The following KANSL1 variants were observed in gnomAD, a reference collection of about 807,000 sequenced individuals.
The protein encoded by KANSL1 is MLL1/MLL complex subunit KANSL1.
KANSL1 carries 22 observed loss-of-function variants against 103.6 expected under a neutral mutation model. The observed-to-expected ratio is 0.21, with a 90% CI of 0.15 to 0.30. The LOEUF (loss-of-function observed/expected upper bound fraction) is 0.30. Ranked by LOEUF, KANSL1 falls within the 10% of genes least tolerant of loss-of-function variation. The pLI, the probability that KANSL1 is intolerant of heterozygous loss-of-function variation, is 1.00. For synonymous variants in KANSL1, 600 were observed against 527.6 expected (o/e 1.14, Z -1.88); for missense variants, 1,337 against 1,399.8 (o/e 0.96, Z 0.72).
intron 2 of KANSL1, among the ~76,000 whole-genome samples, chr17:46,106,943 C>T (rs1393307926): frequency 1.3e-5 from 2 of 152,116 alleles, no homozygotes; most frequent in Non-Finnish European, 2.9e-5. Flanking sequence ...ATAAATCCTG[C>T]AAATAACACA....
chr17:46,152,212 C>A (rs1027014599), intron 2 of KANSL1, among the ~76,000 whole-genome samples: 1 of 152,214 alleles, frequency 6.6e-6, no homozygotes. Flanking sequence ...CTGAATAATT[C>A]TGTATCATAA....
chr17:46,105,948 C>CACACA (rs373189477), intron 2 of KANSL1, among the ~76,000 whole-genome samples: 35 of 39,042 alleles, frequency 9.0e-4, no homozygotes, highest in African/African-American at 2.2e-3. Context: ...CACACACACA[C>CACACA]CCCCCCAGAA....
chr17:46,118,548 G>C (rs1598666234), intron 2 of KANSL1, among the ~76,000 whole-genome samples: 1 of 152,330 alleles, frequency 6.6e-6, no homozygotes, highest in East Asian at 1.9e-4. Context: ...TTCCGACTCA[G>C]GACATCTGAA....
At chr17:46,198,422 TAAAAAAAAAAAA>T (rs58312564), upstream of KANSL1, among the ~76,000 whole-genome samples, 73 of 96,108 alleles carry the variant, frequency 7.6e-4, no homozygotes, top group East Asian at 4.0e-3. Context: ...CTACTTTAAT[TAAAAAAAAAAAA>T]AAAAAAAAAA....
chr17:46,162,130 C>A (rs189043552), intron 2 of KANSL1, among the ~76,000 whole-genome samples: 1 of 152,314 alleles, frequency 6.6e-6, no homozygotes, highest in African/African-American at 2.4e-5. Flanking sequence ...TCTATATAAA[C>A]TCAATGTTTT....
At chr17:46,160,480 G>A (rs2045674382) in intron 2 of KANSL1, among the ~76,000 whole-genome samples, 1 of 152,094 alleles carries the variant, frequency 6.6e-6, no homozygotes, top group Non-Finnish European at 1.5e-5. Flanking sequence ...TTTTTGTAGA[G>A]AAGGGGTTTC....
intron 1 of KANSL1, among the ~76,000 whole-genome samples, chr17:46,182,592 G>C (rs1367714556): frequency 6.6e-6 from 1 of 152,232 alleles, no homozygotes; most frequent in Non-Finnish European, 1.5e-5. Flanking sequence ...TCATTCCTGA[G>C]TGCAGGATAG....
At chr17:46,217,473 A>G (rs1293618273) in intron 1 of KANSL1, among the ~76,000 whole-genome samples, 1 of 151,532 alleles carries the variant, frequency 6.6e-6, no homozygotes, top group East Asian at 1.9e-4. Flanking sequence ...GAGACTCTAA[A>G]AAAAAAAAAA....
chr17:46,134,519 C>T (rs984157933), intron 2 of KANSL1, among the ~76,000 whole-genome samples: 3 of 152,026 alleles, frequency 2.0e-5, no homozygotes, highest in East Asian at 1.9e-4. Flanking sequence ...ATATAAATTA[C>T]GAACTATTGT....
chr17:46,048,499 G>A (rs377403302), intron 7 of KANSL1, among the ~76,000 whole-genome samples: 226 of 152,184 alleles, frequency 1.5e-3, no homozygotes, highest in African/African-American at 5.1e-3. Context: ...CCCAGGAGGT[G>A]GGGGCTGCAG....
intron 1 of KANSL1, among the ~76,000 whole-genome samples, chr17:46,185,686 C>CAT (rs148277720): frequency 0.011 from 1,099 of 95,918 alleles, 12 homozygotes; most frequent in African/African-American, 0.035. Context: ...TATACACACA[C>CAT]ATATATACAC....
At chr17:46,144,843 A>G (rs1052501414) in intron 2 of KANSL1, among the ~76,000 whole-genome samples, 6 of 152,244 alleles carry the variant, frequency 3.9e-5, no homozygotes, top group African/African-American at 1.2e-4. Flanking sequence ...CAAACTTACG[A>G]CTACACCTTT....
intron 4 of KANSL1, among the ~76,000 whole-genome samples, chr17:46,068,735 G>A (rs1277118324): frequency 6.6e-6 from 1 of 152,050 alleles, no homozygotes; most frequent in Non-Finnish European, 1.5e-5. Flanking sequence ...TAACAGATGA[G>A]AAAGAATAGA....
intron 2 of KANSL1, among the ~76,000 whole-genome samples, chr17:46,161,573 G>T (rs1022738039): frequency 3.3e-5 from 5 of 152,200 alleles, no homozygotes; most frequent in Admixed American, 6.5e-5. Flanking sequence ...TACATCTCTT[G>T]TAAGTACCTG....
intron 1 of KANSL1, among the ~76,000 whole-genome samples, chr17:46,191,847 A>G (rs1368822956): frequency 6.6e-6 from 1 of 152,218 alleles, no homozygotes; most frequent in Non-Finnish European, 1.5e-5. Flanking sequence ...AGGCTGGAGG[A>G]AGAGAGATTT....
At chr17:46,126,878 C>T (rs1213785324) in intron 2 of KANSL1, among the ~76,000 whole-genome samples, 1 of 152,124 alleles carries the variant, frequency 6.6e-6, no homozygotes, top group Non-Finnish European at 1.5e-5. Context: ...AAAATTTGCC[C>T]GCCAATAAGG....
At position 46,180,548 on chromosome 17, in the gene KANSL1, T is replaced by C. The variant is rs557187223; in HGVS notation, c.-89-8316A>G. ...TAAAAATAAAAAATTTAGCCGGGCA[T>C]GATGGCAGGTGCCTGTAGTCCCAGC... On this transcript the variant is annotated intron_variant, in intron 1 of 14. Coordinates refer to ENST00000432791, the MANE Select transcript of KANSL1 (RefSeq NM_015443.4). Among the ~76,000 whole-genome samples, 15 of 152,190 alleles carry C rather than the reference T, an allele frequency of 9.9e-5. 1 individual carries two copies. The South Asian group carries it at 3.1e-3, about 32-fold the overall frequency.
In KANSL1 at chr17:46,077,434, G is replaced by A. The variant is rs555837307; in HGVS notation, c.1533+5007C>T. ...TTCACCAAGTAGTGTGATGTTAGGC[G>A]TTAGGTTTTTTTCCTAATTTTTAAA... is the stretch of plus-strand genomic sequence containing the variant. On this transcript the variant is annotated intron_variant, in intron 4 of 14. Transcript: ENST00000432791. Among the ~76,000 whole-genome samples, 28 of 152,152 alleles carry A rather than the reference G, an allele frequency of 1.8e-4. 1 individual carries two copies. Among genetic ancestry groups the A allele is most frequent in the Admixed American group, 3.9e-4 (6 of 15,282 alleles).
chr17:46,201,906 C>T (rs1323386574), intron 1 of KANSL1, among the ~76,000 whole-genome samples: 1 of 152,146 alleles, frequency 6.6e-6, no homozygotes, highest in Non-Finnish European at 1.5e-5. Context: ...ACACAGGAAG[C>T]CAAGGTGGGA....
Sources: allele counts gnomAD v4.1 joint callset (sites outside exome capture counted in the v4.1 genomes callset), GRCh38; gene constraint gnomAD v4.1.1; transcripts MANE v1.5; gene names NCBI Gene and HGNC (gene_info 2026-07-23, HGNC 2026-07-21).